The following INTS7 variants were observed in gnomAD, a reference collection of about 807,000 sequenced individuals.
The protein encoded by INTS7 is chromosome 1 open reading frame 73.
Under a neutral mutation model 109.2 loss-of-function variants are expected in INTS7, and 46 were observed. That is an observed-to-expected ratio of 0.42 (90% CI 0.33 to 0.54). INTS7 has a LOEUF of 0.54. Ranked by LOEUF, INTS7 falls within the 20% of genes least tolerant of loss-of-function variation. INTS7 has a pLI of 0.07. For missense variants in INTS7, 929 were observed against 1,132.4 expected, an observed-to-expected ratio of 0.82 and a Z score of 2.58; for synonymous variants, 412 against 402.9, an observed-to-expected ratio of 1.02 and a Z score of -0.27.
At chr1:211,974,276 A>AAT (rs58474002) in intron 13 of INTS7, among the ~76,000 whole-genome samples, 978 of 92,356 alleles carry the variant, frequency 0.011, 15 homozygotes, top group African/African-American at 0.035. Context: ...AGAAAAAAAA[A>AAT]ATATATATAT....
intron 17 of INTS7, among the ~76,000 whole-genome samples, chr1:211,951,885 G>A (rs1400806815): frequency 1.3e-5 from 2 of 152,210 alleles, no homozygotes; most frequent in African/African-American, 2.4e-5. Context: ...TTGGGTGAGA[G>A]TATGTTAGCC....
At chr1:212,017,077 GA>G in intron 3 of INTS7, 54 bp from the exon 4 acceptor site, 1 of 1,461,458 alleles carries the variant, frequency 6.8e-7, no homozygotes, top group South Asian at 1.4e-5. Flanking sequence ...GTCAAGGTCA[GA>G]AAAGTAAGAG....
chr1:212,012,778 T>C (rs3009988), intron 4 of INTS7, among the ~76,000 whole-genome samples: 115,044 of 151,568 alleles, frequency 0.76, 44,029 homozygotes, highest in South Asian at 0.8. Context: ...CCAGTAATTT[T>C]GCAGAGTGAA....
chr1:212,017,320 C>A (rs1000141464), intron 3 of INTS7, among the ~76,000 whole-genome samples: 1 of 152,228 alleles, frequency 6.6e-6, no homozygotes, highest in Admixed American at 6.5e-5. Flanking sequence ...ATTATTAAAG[C>A]ATCAAAATAT....
chr1:211,978,303 C>A lies in INTS7; in HGVS notation c.1439G>T (p.Arg480Leu), dbSNP rs749139142. The A allele has an allele frequency of 3.1e-6, 5 of 1,614,048 alleles. 1 individual carries two copies. In the South Asian group the frequency reaches 4.4e-5, roughly 14 times the overall value. Reference protein sequence around the residue: ...DLMELYKVIGRSATDKQQELL... With the variant: ...DLMELYKVIGLSATDKQQELL... ...TTCTTGTTGCTTGTCTGTGGCTGAT[C>A]GTCCAATCACCTTGTACAGCTCCAT... is the stretch of plus-strand genomic sequence containing the variant. The change falls in exon 11 of 20, where the codon CGA becomes CTA. Residue 480 changes from arginine to leucine, a missense_variant. Coordinates refer to ENST00000366994, the MANE Select transcript of INTS7 (RefSeq NM_015434.4).
chr1:211,944,657 ATT>A (rs1662773538), intron 19 of INTS7, 125 bp downstream of exon 19: 1 of 745,804 alleles, frequency 1.3e-6, no homozygotes, highest in Admixed American at 2.4e-5. Flanking sequence ...TGGGCTTTTA[ATT>A]TATGTCCATC....
chr1:211,995,034 T>C (rs990414306), intron 7 of INTS7, among the ~76,000 whole-genome samples: 2 of 151,940 alleles, frequency 1.3e-5, no homozygotes, highest in African/African-American at 4.8e-5. Context: ...TACTTTAACA[T>C]GATATGGGGT....
At chr1:212,002,551 C>T (rs1310215806) in intron 7 of INTS7, among the ~76,000 whole-genome samples, 1 of 152,224 alleles carries the variant, frequency 6.6e-6, no homozygotes, top group South Asian at 2.1e-4. Context: ...ACTGACCTCA[C>T]ACTCATGAAT....
chr1:211,969,294 C>CA (rs199756298), intron 13 of INTS7, among the ~76,000 whole-genome samples: 33 of 144,336 alleles, frequency 2.3e-4, no homozygotes, highest in East Asian at 4.0e-4. Context: ...AAAAAAAAAA[C>CA]AAAGAAAAAA....
intron 16 of INTS7, among the ~76,000 whole-genome samples, chr1:211,961,370 G>A (rs1261042896): frequency 6.6e-6 from 1 of 151,386 alleles, no homozygotes; most frequent in East Asian, 1.9e-4. Flanking sequence ...AGACTTAACA[G>A]CAGACCCCTT....
chr1:212,028,247 T>A (rs1186629900), intron 1 of INTS7, among the ~76,000 whole-genome samples: 1 of 152,238 alleles, frequency 6.6e-6, no homozygotes, highest in Non-Finnish European at 1.5e-5. Context: ...CAGAATGCTT[T>A]TATCTGGCAC....
intron 1 of INTS7, among the ~76,000 whole-genome samples, chr1:212,034,674 C>T (rs1667339321): frequency 6.6e-6 from 1 of 152,162 alleles, no homozygotes; most frequent in Admixed American, 6.5e-5. Context: ...TCACTTAATA[C>T]AATTCTGCCG....
At chr1:211,974,272 AAAAAATATATATATATAT>A (rs1241426843) in intron 13 of INTS7, among the ~76,000 whole-genome samples, 13 of 62,328 alleles carry the variant, frequency 2.1e-4, no homozygotes, top group African/African-American at 8.3e-4. Context: ...TCCCAGAAAA[AAAAAATATATATATATAT>A]ATATATATAT....
chr1:211,977,950 C>A (rs748466070), intron 11 of INTS7, among the ~76,000 whole-genome samples: 1 of 152,072 alleles, frequency 6.6e-6, no homozygotes, highest in Non-Finnish European at 1.5e-5. Flanking sequence ...ATAAAAATTT[C>A]ATTTTCATTC....
intron 13 of INTS7, among the ~76,000 whole-genome samples, chr1:211,974,792 G>GA (rs1204350725): frequency 6.6e-6 from 1 of 152,128 alleles, no homozygotes; most frequent in Non-Finnish European, 1.5e-5. Flanking sequence ...TATAAAGCAA[G>GA]AAACTTTAGT....
At chr1:212,018,407 A>C (rs981223930) in intron 3 of INTS7, among the ~76,000 whole-genome samples, 1 of 152,118 alleles carries the variant, frequency 6.6e-6, no homozygotes, top group African/African-American at 2.4e-5. Flanking sequence ...TTCAAATATT[A>C]ATCTACATTC....
rs977724126 is a variant in INTS7, at chr1:212,020,652, T to C, written c.225-384A>G. Reference sequence around the variant, plus strand: ...CATATGAGCACGAGTGCATGGAGAATGGCAGAAAGCAGCAGAAGATGGAAT... The same window carrying C: ...CATATGAGCACGAGTGCATGGAGAACGGCAGAAAGCAGCAGAAGATGGAAT... On this transcript the variant is annotated intron_variant, in intron 2 of 19. Transcript: ENST00000366994. 2.9e-5 allele frequency: 20 copies of C among 681,722 alleles called. No homozygotes were observed. In the East Asian group the frequency reaches 8.5e-4, roughly 29 times the overall value. The allele number at this position is 681,722 out of a possible 1,614,324, so 42.2% of individuals were successfully genotyped here.
At chr1:212,032,266 T>C (rs1558063536) in intron 1 of INTS7, among the ~76,000 whole-genome samples, 2 of 152,316 alleles carry the variant, frequency 1.3e-5, no homozygotes, top group South Asian at 4.1e-4. Flanking sequence ...TGGATTGTTA[T>C]AGTTGCCTTC....
chr1:211,966,789 T>G (rs1663900951), intron 15 of INTS7, among the ~76,000 whole-genome samples: 1 of 152,176 alleles, frequency 6.6e-6, no homozygotes, highest in Non-Finnish European at 1.5e-5. Flanking sequence ...TGTTTTTATC[T>G]GTCTTAGATA....
Sources: gnomAD v4.1 joint callset for allele counts (sites outside exome capture counted in the v4.1 genomes callset) on GRCh38, gnomAD v4.1.1 for gene constraint, MANE v1.5 for transcripts, NCBI Gene and HGNC (gene_info 2026-07-23, HGNC 2026-07-21) for gene names.